Variants in OPN3 observed in about 807,000 individuals in gnomAD.
The protein encoded by OPN3 is opsin-3.
In OPN3, 29 loss-of-function variants were observed where a neutral mutation model predicts 33.8. The ratio of observed to expected loss-of-function variants is 0.86; its 90% confidence interval spans 0.64 to 1.17. The LOEUF (loss-of-function observed/expected upper bound fraction) is 1.17, where lower values mean the gene tolerates loss of function less well. Among genes scored for constraint, OPN3 ranks in the 50% most tolerant of loss-of-function variants. The probability of loss-of-function intolerance (pLI) is 0.00; values close to 1 mark genes in which losing one functional copy is unlikely to be tolerated. For synonymous variants in OPN3, 216 were observed against 216.1 expected, an observed-to-expected ratio of 1.00 and a Z score of 0.00; for missense variants, 437 against 514.1, an observed-to-expected ratio of 0.85 and a Z score of 1.45.
chr1:241,636,679 G>C (rs1664910815), intron 1 of OPN3, among the ~76,000 whole-genome samples: 1 of 151,936 alleles, frequency 6.6e-6, no homozygotes, highest in Admixed American at 6.6e-5. Context: ...ATAGCCCTGA[G>C]GAGGAAAATG....
intron 1 of OPN3, chr1:241,631,897 T>C (rs1478802671): frequency 6.6e-6 from 1 of 152,142 alleles, no homozygotes; most frequent in African/African-American, 2.4e-5. Flanking sequence ...TGAATGTTAG[T>C]AGAAAGATCA....
At chr1:241,594,909 C>G (rs1663453602) in intron 3 of OPN3, 1 of 519,116 alleles carries the variant, frequency 1.9e-6, no homozygotes, top group Non-Finnish European at 3.4e-6. Flanking sequence ...TATGTAGGAC[C>G]ATTTCAATAC....
At chr1:241,614,611 G>C (rs1573958092) in intron 1 of OPN3, among the ~76,000 whole-genome samples, 1 of 152,224 alleles carries the variant, frequency 6.6e-6, no homozygotes, top group Non-Finnish European at 1.5e-5. Flanking sequence ...CCTCCCCTCT[G>C]TTATCTTTGG....
intron 1 of OPN3, among the ~76,000 whole-genome samples, chr1:241,614,319 G>A (rs1664068260): frequency 1.4e-5 from 2 of 146,850 alleles, no homozygotes; most frequent in Non-Finnish European, 2.9e-5. Flanking sequence ...AGAAGAGAAC[G>A]ATTGAATGAG....
chr1:241,597,859 C>A lies in OPN3; in HGVS notation c.832G>T (p.Val278Leu). 1 of 1,613,774 alleles carries A rather than the reference C, an allele frequency of 6.2e-7. No homozygotes were observed. The highest frequency in any genetic ancestry group is 8.5e-7 in the Non-Finnish European group (1 of 1,179,942). ...ACCAGGTGACCATGACCATTAACCA[C>A]CAAGAAGCAGATCACGATATAAGGC... ...WMPYIVICFL[V>L]VNGHGHLVTP... is the part of the protein sequence containing the mutation. The change falls in exon 3 of 4, where the codon GTG becomes TTG. Residue 278 changes from valine to leucine, a missense_variant. Physicochemically the swap from Val to Leu is conservative, Grantham distance 32. Coordinates refer to ENST00000366554, the MANE Select transcript of OPN3 (RefSeq NM_014322.3).
intron 1 of OPN3, chr1:241,633,645 A>G: frequency 6.3e-6 from 5 of 793,086 alleles, no homozygotes; most frequent in African/African-American, 1.7e-5. Context: ...AAGATATTCA[A>G]TGCTGAATGT....
chr1:241,636,567 T>C (rs1664905954), intron 1 of OPN3, among the ~76,000 whole-genome samples: 1 of 152,206 alleles, frequency 6.6e-6, no homozygotes, highest in Non-Finnish European at 1.5e-5. Flanking sequence ...TAGGATCTCA[T>C]GGTAGCAACA....
At chr1:241,626,922 T>C (rs1573963612) in intron 1 of OPN3, among the ~76,000 whole-genome samples, 1 of 152,184 alleles carries the variant, frequency 6.6e-6, no homozygotes, top group South Asian at 2.1e-4. Context: ...TAAATATGTA[T>C]CTCATTCTGA....
At chr1:241,630,932 ATATTT>A (rs1209133375) in intron 1 of OPN3, 3 of 152,078 alleles carry the variant, frequency 2.0e-5, no homozygotes, top group Non-Finnish European at 4.4e-5. Context: ...TTGTTTGCCA[ATATTT>A]TATTTTGCAT....
intron 2 of OPN3, among the ~76,000 whole-genome samples, chr1:241,598,710 T>C (rs563706237): frequency 1.1e-3 from 163 of 152,344 alleles, no homozygotes; most frequent in African/African-American, 3.5e-3. Flanking sequence ...TTGAGTTTCT[T>C]GAATATGTTT....
chr1:241,630,990 A>G (rs1046116646), intron 1 of OPN3: 8 of 152,108 alleles, frequency 5.3e-5, no homozygotes, highest in Admixed American at 5.2e-4. Flanking sequence ...AATGTCTTTT[A>G]GTACTGAGAA....
intron 1 of OPN3, chr1:241,634,947 C>T (rs1219430735): frequency 6.2e-7 from 1 of 1,613,492 alleles, no homozygotes; most frequent in Non-Finnish European, 8.5e-7. Flanking sequence ...GGAACTTGTT[C>T]TACCTTTCCT....
chr1:241,594,404 A>T lies in OPN3; in HGVS notation c.*24T>A, dbSNP rs781280198. 29 of 1,603,138 alleles carry T rather than the reference A, an allele frequency of 1.8e-5. No homozygotes were observed. In the African/African-American group the frequency reaches 3.2e-4, roughly 18 times the overall value. ...AAAGTGGCATCCAATTTAAGGCCCC[A>T]TCTTTCGTTGCCATTCTTCATTCCT... On this transcript the variant is annotated 3_prime_UTR_variant, in exon 4 of 4. Coordinates refer to ENST00000366554, the MANE Select transcript of OPN3 (RefSeq NM_014322.3).
chr1:241,634,136 G>A, intron 1 of OPN3: 2 of 1,613,056 alleles, frequency 1.2e-6, no homozygotes, highest in Non-Finnish European at 1.7e-6. Context: ...TCTTGGCTTT[G>A]TAAGTTCTTC....
At chr1:241,610,587 CACTCATTTG>C (rs1451611678) in intron 1 of OPN3, among the ~76,000 whole-genome samples, 1 of 152,160 alleles carries the variant, frequency 6.6e-6, no homozygotes, top group Non-Finnish European at 1.5e-5. Flanking sequence ...AATGATTATA[CACTCATTTG>C]CAATATTTAT....
intron 1 of OPN3, chr1:241,632,971 C>T (rs1664704175): frequency 6.6e-6 from 1 of 152,072 alleles, no homozygotes; most frequent in South Asian, 2.1e-4. Context: ...TCCTTTTGGT[C>T]TAAGTTACTT....
intron 3 of OPN3, among the ~76,000 whole-genome samples, chr1:241,596,949 T>C (rs910857448): frequency 6.6e-6 from 1 of 151,958 alleles, no homozygotes; most frequent in Non-Finnish European, 1.5e-5. Context: ...CTCAGGCCCC[T>C]GAGTAGCTGC....
intron 1 of OPN3, among the ~76,000 whole-genome samples, chr1:241,606,231 G>A (rs1029916838): frequency 2.0e-5 from 3 of 152,126 alleles, no homozygotes; most frequent in South Asian, 2.1e-4. Flanking sequence ...CGTGAGGGGC[G>A]AGAGGAGTTA....
chr1:241,618,123 A>C (rs930999660), intron 1 of OPN3, among the ~76,000 whole-genome samples: 4 of 152,240 alleles, frequency 2.6e-5, no homozygotes, highest in African/African-American at 9.6e-5. Context: ...TCCCAGACCC[A>C]TTCACATTCT....
Sources: allele counts gnomAD v4.1 joint callset (sites outside exome capture counted in the v4.1 genomes callset), GRCh38; gene constraint gnomAD v4.1.1; transcripts MANE v1.5; gene names NCBI Gene and HGNC (gene_info 2026-07-23, HGNC 2026-07-21).